SNRK: variants seen among roughly 807,000 people sequenced by gnomAD.
SNRK encodes SNF-related serine/threonine-protein kinase.
In SNRK, 3 loss-of-function variants were observed where a neutral mutation model predicts 48.2. The observed-to-expected ratio is 0.06, with a 90% CI of 0.03 to 0.16. The LOEUF is 0.16. Among genes scored for constraint, SNRK ranks in the 10% least tolerant of loss-of-function variants. The pLI, the probability that SNRK is intolerant of heterozygous loss-of-function variation, is 1.00. For synonymous variants in SNRK, 376 were observed against 366.1 expected, an observed-to-expected ratio of 1.03 and a Z score of -0.31; for missense variants, 627 against 976.0, an observed-to-expected ratio of 0.64 and a Z score of 4.76.
chr3:43,342,850 A>G (rs926270248), intron 5 of SNRK, among the ~76,000 whole-genome samples: 3 of 152,236 alleles, frequency 2.0e-5, no homozygotes, highest in African/African-American at 7.2e-5. Context: ...ATAATTCTGT[A>G]GTGCCTAAAT....
At chr3:43,307,392 TTTTG>T (rs2090945986) in intron 3 of SNRK, among the ~76,000 whole-genome samples, 2 of 152,228 alleles carry the variant, frequency 1.3e-5, no homozygotes, top group East Asian at 1.9e-4. Flanking sequence ...CTTGCGGTTT[TTTTG>T]TTTATTTACA....
chr3:43,337,514 A>G (rs950620715), intron 4 of SNRK, among the ~76,000 whole-genome samples: 1 of 150,668 alleles, frequency 6.6e-6, no homozygotes, highest in Non-Finnish European at 1.5e-5. Flanking sequence ...TTGACCTCTC[A>G]GCCTCCCAAG....
chr3:43,312,059 A>G (rs1005773727), intron 3 of SNRK, among the ~76,000 whole-genome samples: 3 of 152,160 alleles, frequency 2.0e-5, no homozygotes, highest in African/African-American at 7.2e-5. Context: ...GAACTTCGCC[A>G]TCTCACCTAA....
chr3:43,319,891 T>A (rs1384377742), intron 3 of SNRK, among the ~76,000 whole-genome samples: 1 of 152,170 alleles, frequency 6.6e-6, no homozygotes, highest in Admixed American at 6.5e-5. Flanking sequence ...GTGATTCCTG[T>A]TTTCAGAGAG....
chr3:43,305,980 G>T (rs1191284902), intron 3 of SNRK, among the ~76,000 whole-genome samples: 1 of 152,060 alleles, frequency 6.6e-6, no homozygotes, highest in African/African-American at 2.4e-5. Context: ...GGGTACACAG[G>T]AGTTCATTGT....
At chr3:43,329,772 T>G (rs1002913760) in intron 3 of SNRK, among the ~76,000 whole-genome samples, 1 of 152,222 alleles carries the variant, frequency 6.6e-6, no homozygotes, top group African/African-American at 2.4e-5. Context: ...TTAAGGGGAT[T>G]GGACAAATCA....
chr3:43,345,654 G>GACT (rs796687028), intron 6 of SNRK, among the ~76,000 whole-genome samples: 4 of 152,292 alleles, frequency 2.6e-5, no homozygotes, highest in African/African-American at 9.6e-5. Flanking sequence ...AGAACACAGG[G>GACT]ACTCCACTAG....
chr3:43,322,272 C>G (rs1275814557), intron 3 of SNRK, among the ~76,000 whole-genome samples: 2 of 152,126 alleles, frequency 1.3e-5, no homozygotes, highest in Non-Finnish European at 2.9e-5. Flanking sequence ...CTATGTATGT[C>G]TATTTCAAAA....
rs536686073 is a variant in SNRK, at chr3:43,304,998, C to G, written c.589+1206C>G. 7.0e-4 allele frequency among the ~76,000 whole-genome samples: 107 copies of G among 152,072 alleles called. 1 individual carries two copies. The highest frequency in any genetic ancestry group is 2.4e-3 in the Admixed American group (37 of 15,268). On this transcript the variant is annotated intron_variant, in intron 3 of 6. Coordinates refer to ENST00000296088, the MANE Select transcript of SNRK (RefSeq NM_017719.5). Reference sequence around the variant, plus strand: ...CCAGGAATTTCCAGGAGAGGAAACACAAATGTCTACCCAAGAAAAAATCTT... The same window carrying G: ...CCAGGAATTTCCAGGAGAGGAAACAGAAATGTCTACCCAAGAAAAAATCTT...
intron 1 of SNRK, among the ~76,000 whole-genome samples, chr3:43,286,917 G>T (rs1343042538): frequency 9.6e-5 from 14 of 145,804 alleles, no homozygotes; most frequent in Admixed American, 8.8e-4. Context: ...GGCGGCGGCG[G>T]GGCCCGGCGG....
At chr3:43,294,466 A>G (rs752742786) in intron 1 of SNRK, among the ~76,000 whole-genome samples, 34 of 152,224 alleles carry the variant, frequency 2.2e-4, no homozygotes, top group Non-Finnish European at 1.2e-4. Context: ...TCAAAAACTA[A>G]TAGAAACTGT....
intron 3 of SNRK, among the ~76,000 whole-genome samples, chr3:43,314,033 T>C (rs1220513275): frequency 6.6e-6 from 1 of 152,244 alleles, no homozygotes; most frequent in Non-Finnish European, 1.5e-5. Context: ...AGTGTTCAAA[T>C]GCATTCTAAC....
chr3:43,288,764 G>A (rs1242511220), intron 1 of SNRK, among the ~76,000 whole-genome samples: 1 of 152,140 alleles, frequency 6.6e-6, no homozygotes, highest in Non-Finnish European at 1.5e-5. Context: ...ATTAAAAACC[G>A]TAGATGAGAA....
At chr3:43,334,240 C>G (rs2091169853) in intron 4 of SNRK, among the ~76,000 whole-genome samples, 2 of 151,994 alleles carry the variant, frequency 1.3e-5, no homozygotes. Context: ...CATTTGTGCC[C>G]AGGAGTTCAA....
intron 5 of SNRK, chr3:43,340,727 G>T (rs1159821061): frequency 1.9e-5 from 10 of 538,168 alleles, no homozygotes; most frequent in Non-Finnish European, 3.3e-5. Context: ...GGTGGTTTCA[G>T]TGAGTGCTGT....
intron 4 of SNRK, among the ~76,000 whole-genome samples, chr3:43,338,114 A>G (rs557162157): frequency 6.6e-6 from 1 of 152,340 alleles, no homozygotes; most frequent in African/African-American, 2.4e-5. Flanking sequence ...CAATATTTTA[A>G]TAACTTTTCA....
intron 3 of SNRK, among the ~76,000 whole-genome samples, chr3:43,313,321 T>G (rs1288782098): frequency 6.6e-6 from 1 of 152,210 alleles, no homozygotes; most frequent in Non-Finnish European, 1.5e-5. Context: ...CCAGGTGTTA[T>G]CCTTCAACAT....
chr3:43,347,726 C>T lies in SNRK; in HGVS notation c.1467C>T (p.Ile489=). The T allele has an allele frequency of 6.2e-7, 1 of 1,614,074 alleles. No individual in the cohort carries two copies. The highest frequency in any genetic ancestry group is 8.5e-7 in the Non-Finnish European group (1 of 1,180,024). Reference sequence around the variant, plus strand: ...AGAGTGCGCCCGTCCTCAACCAGATCTTTGAGGAAGGGGAATCTGACGATG... The same window carrying T: ...AGAGTGCGCCCGTCCTCAACCAGATTTTTGAGGAAGGGGAATCTGACGATG... ...SRKSAPVLNQ[I]FEEGESDDEF... is the part of the protein sequence containing the mutation. The change falls in exon 7 of 7, where the codon ATC becomes ATT. Residue 489 remains isoleucine, a synonymous_variant. Coordinates refer to ENST00000296088, the MANE Select transcript of SNRK (RefSeq NM_017719.5). This position sits in a 1 kb window ranked among gnomAD's most constrained non-coding sequence, Gnocchi z 5.4.
chr3:43,309,030 T>C (rs2090958630), intron 3 of SNRK, among the ~76,000 whole-genome samples: 1 of 152,144 alleles, frequency 6.6e-6, no homozygotes, highest in Admixed American at 6.6e-5. Flanking sequence ...AATAACTGCA[T>C]ATGTGGTGGA....
Sources: gnomAD v4.1 joint callset for allele counts (sites outside exome capture counted in the v4.1 genomes callset) on GRCh38, gnomAD v4.1.1 for gene constraint, Gnocchi (gnomAD v3.1) non-coding constraint, MANE v1.5 for transcripts, NCBI Gene and HGNC (gene_info 2026-07-23, HGNC 2026-07-21) for gene names.